The following HACD3 variants were observed in gnomAD, a reference collection of about 807,000 sequenced individuals.
The protein encoded by HACD3 is 3-hydroxyacyl-CoA dehydratase 3.
A neutral mutation model predicts 55.2 loss-of-function variants in HACD3; 30 were observed. The observed-to-expected ratio is 0.54, with a 90% CI of 0.41 to 0.74. The LOEUF (loss-of-function observed/expected upper bound fraction) is 0.74. HACD3 is among the 30% of genes least tolerant of loss of function. The pLI, the probability that HACD3 is intolerant of heterozygous loss-of-function variation, is 0.00. For synonymous variants in HACD3, 141 were observed against 151.7 expected (o/e 0.93, Z 0.52); for missense variants, 363 against 440.1 (o/e 0.82, Z 1.57).
intron 1 of HACD3, among the ~76,000 whole-genome samples, chr15:65,534,713 A>C (rs954964797): frequency 3.3e-5 from 5 of 152,046 alleles, no homozygotes; most frequent in Non-Finnish European, 7.4e-5. Flanking sequence ...TTCTTATTAC[A>C]CTTATGCTCT....
At chr15:65,553,678 T>G (rs1422621770) in intron 2 of HACD3, among the ~76,000 whole-genome samples, 1 of 152,260 alleles carries the variant, frequency 6.6e-6, no homozygotes, top group African/African-American at 2.4e-5. Context: ...GATAAAAGCA[T>G]ATCTTGCCAC....
chr15:65,532,524 C>T (rs372975191), intron 1 of HACD3, among the ~76,000 whole-genome samples: 19 of 151,388 alleles, frequency 1.3e-4, no homozygotes, highest in South Asian at 2.1e-4. Flanking sequence ...GTTGGCTACT[C>T]GGGAGGCTGA....
At chr15:65,572,924 A>T (rs2072363405) in intron 10 of HACD3, among the ~76,000 whole-genome samples, 1 of 146,152 alleles carries the variant, frequency 6.8e-6, no homozygotes, top group Admixed American at 6.7e-5. Context: ...CAAAAAAAAA[A>T]AAAAAATAAA....
chr15:65,543,426 AT>A (rs2072042175), intron 1 of HACD3, among the ~76,000 whole-genome samples: 1 of 152,176 alleles, frequency 6.6e-6, no homozygotes, highest in Non-Finnish European at 1.5e-5. Context: ...TTGGTAAAAA[AT>A]ATTGATATTC....
intron 5 of HACD3, among the ~76,000 whole-genome samples, chr15:65,559,545 T>C (rs1032845123): frequency 7.9e-5 from 12 of 151,264 alleles, no homozygotes; most frequent in Non-Finnish European, 1.6e-4. Flanking sequence ...TTTCAAACTG[T>C]GTTCCATGGT....
At chr15:65,572,113 G>T in intron 9 of HACD3, 122 bp from the exon 10 acceptor site, 1 of 1,258,734 alleles carries the variant, frequency 7.9e-7, no homozygotes, top group Non-Finnish European at 1.1e-6. Context: ...TCTGTACAAA[G>T]GGAGGAGAAA....
At chr15:65,574,713 ATTTC>A (rs112357251) in intron 10 of HACD3, among the ~76,000 whole-genome samples, 33,499 of 151,926 alleles carry the variant, frequency 0.22, 4,277 homozygotes, top group African/African-American at 0.35. Context: ...AAAGGTTAAA[ATTTC>A]TTTCTTTTTT....
At chr15:65,542,949 C>G (rs950191395) in intron 1 of HACD3, among the ~76,000 whole-genome samples, 2 of 151,906 alleles carry the variant, frequency 1.3e-5, no homozygotes, top group African/African-American at 4.8e-5. Context: ...TGGCATGTGC[C>G]TGTAATCCCA....
chr15:65,544,116 G>C (rs944371538), intron 1 of HACD3, among the ~76,000 whole-genome samples: 13 of 152,170 alleles, frequency 8.5e-5, no homozygotes, highest in African/African-American at 3.1e-4. Context: ...GGCGGAGCTT[G>C]CAGTGAGCCG....
chr15:65,530,651 C>A lies in HACD3; in HGVS notation c.20C>A (p.Thr7Lys). 6.3e-7 allele frequency: 1 copy of A among 1,580,632 alleles called. No homozygotes were observed. MENQVL[T>K]PHVYWAQRHR... Reference sequence around the variant, plus strand: ...GTGGCCATGGAGAATCAGGTGTTGACGCCGCATGTCTACTGGGCTCAGCGA... The same window carrying A: ...GTGGCCATGGAGAATCAGGTGTTGAAGCCGCATGTCTACTGGGCTCAGCGA... The change falls in exon 1 of 11, where the codon ACG becomes AAG. Residue 7 changes from threonine to lysine, a missense_variant. Transcript: ENST00000261875.
In HACD3 at chr15:65,577,437, CCACACACACACAAACACACATACACA is replaced by C. The variant is rs1463957906; in HGVS notation, c.*1070_*1095del. ...AGACCCTGTCTCAAACCAAACCAAACCACACACACACAAACACACATACACACACACACACACGAGGTCCAAATGGT... is the reference window on the plus strand; with the variant it reads ...AGACCCTGTCTCAAACCAAACCAAACCACACACACACGAGGTCCAAATGGT... On this transcript the variant is annotated 3_prime_UTR_variant, in exon 11 of 11. Coordinates refer to ENST00000261875, the MANE Select transcript of HACD3 (RefSeq NM_016395.4). The C allele has an allele frequency of 4.0e-5, 6 of 151,178 alleles. No individual in the cohort carries two copies. The highest frequency in any genetic ancestry group is 7.3e-5 in the Non-Finnish European group (5 of 68,284). 9.4% of individuals were successfully genotyped at this position (151,178 alleles called of 1,614,324 possible).
chr15:65,553,882 C>T (rs1223873575), intron 2 of HACD3, among the ~76,000 whole-genome samples: 1 of 152,172 alleles, frequency 6.6e-6, no homozygotes, highest in Non-Finnish European at 1.5e-5. Context: ...CTGGGTCCAG[C>T]AGTCACTGGC....
chr15:65,576,240 A>G, intron 10 of HACD3, 63 bp from the exon 11 acceptor site: 1 of 1,537,610 alleles, frequency 6.5e-7, no homozygotes, highest in Non-Finnish European at 8.7e-7. Flanking sequence ...TCCCTGCCAC[A>G]AGAGCTTCTG....
At chr15:65,573,287 A>AT (rs953121558) in intron 10 of HACD3, among the ~76,000 whole-genome samples, 8 of 151,904 alleles carry the variant, frequency 5.3e-5, no homozygotes, top group Admixed American at 2.0e-4. Flanking sequence ...AACTATAAGG[A>AT]TTTTTTTTTG....
rs118181229 is a variant in HACD3 at position 65,570,826 on chromosome 15, T to C, written c.773+623T>C. On this transcript the variant is annotated intron_variant, in intron 8 of 10. Transcript: ENST00000261875. Reference sequence around the variant, plus strand: ...TTCTCAGCTCCAGGTTTGGTGGTATTTTGACAAAGTTGCTAGTTGAGAGAG... The same window carrying C: ...TTCTCAGCTCCAGGTTTGGTGGTATCTTGACAAAGTTGCTAGTTGAGAGAG... Among the ~76,000 whole-genome samples the C allele has an allele frequency of 1.1e-3, 171 of 152,286 alleles. 3 individuals are homozygous for C. The East Asian group carries it at 0.027, about 24-fold the overall frequency.
chr15:65,556,965 G>A, intron 4 of HACD3, 62 bp downstream of exon 4: 15 of 1,478,356 alleles, frequency 1.0e-5, no homozygotes, highest in Non-Finnish European at 1.4e-5. Flanking sequence ...ACGTTATTCA[G>A]GCCACTTCAG....
intron 1 of HACD3, among the ~76,000 whole-genome samples, chr15:65,542,336 T>G (rs1567331962): frequency 6.6e-6 from 1 of 151,802 alleles, no homozygotes; most frequent in Non-Finnish European, 1.5e-5. Flanking sequence ...TGATCCTGGC[T>G]CACTGCAGTC....
intron 2 of HACD3, 105 bp from the exon 3 acceptor site, chr15:65,554,782 A>T (rs1165822667): frequency 3.9e-6 from 3 of 776,940 alleles, no homozygotes; most frequent in African/African-American, 1.8e-5. Flanking sequence ...CTCAAAAAAA[A>T]AAAAGTGTAA....
At chr15:65,552,226 C>T (rs1201954199) in intron 2 of HACD3, among the ~76,000 whole-genome samples, 5 of 152,188 alleles carry the variant, frequency 3.3e-5, no homozygotes, top group Non-Finnish European at 5.9e-5. Context: ...GACACACATA[C>T]AGCTACTGAT....
Sources: allele counts gnomAD v4.1 joint callset (sites outside exome capture counted in the v4.1 genomes callset), GRCh38; gene constraint gnomAD v4.1.1; transcripts MANE v1.5; gene names NCBI Gene and HGNC (gene_info 2026-07-23, HGNC 2026-07-21).